Variants in MSRA observed in about 807,000 individuals in gnomAD.
MSRA encodes methionine sulfoxide reductase A, also known as mitochondrial peptide methionine sulfoxide reductase.
Under a neutral mutation model 31.3 loss-of-function variants are expected in MSRA, and 54 were observed. That is an observed-to-expected ratio of 1.73 (90% CI 1.39 to 2.17). MSRA has a LOEUF of 2.17. MSRA is among the 30% of genes most tolerant of loss of function. The pLI is 0.00. For missense variants in MSRA, 507 were observed against 300.9 expected (o/e 1.69, Z -5.07); for synonymous variants, 169 against 116.5 (o/e 1.45, Z -2.90).
chr8:10,346,934 AGT>A (rs1803817008), intron 5 of MSRA, among the ~76,000 whole-genome samples: 3 of 152,122 alleles, frequency 2.0e-5, no homozygotes, highest in African/African-American at 7.2e-5. Flanking sequence ...TAGTCAGACT[AGT>A]GTCCATTTGT....
chr8:10,267,105 C>T (rs780481031), intron 3 of MSRA, among the ~76,000 whole-genome samples: 5 of 152,216 alleles, frequency 3.3e-5, no homozygotes, highest in African/African-American at 7.2e-5. Flanking sequence ...TAGTCTCAGA[C>T]TCCAGTTTAA....
chr8:10,244,848 T>A (rs1402103873), intron 2 of MSRA, among the ~76,000 whole-genome samples: 1 of 152,198 alleles, frequency 6.6e-6, no homozygotes, highest in Non-Finnish European at 1.5e-5. Flanking sequence ...ATTTACTAAC[T>A]CCTTTAAATT....
At chr8:10,204,983 A>G (rs1808828028) in intron 1 of MSRA, among the ~76,000 whole-genome samples, 1 of 152,144 alleles carries the variant, frequency 6.6e-6, no homozygotes, top group Admixed American at 6.5e-5. Context: ...GCTGCAGAGG[A>G]AAGGCCCTTG....
At chr8:10,361,717 G>T (rs1804856723) in intron 5 of MSRA, among the ~76,000 whole-genome samples, 4 of 152,108 alleles carry the variant, frequency 2.6e-5, no homozygotes, top group Non-Finnish European at 1.5e-5. Context: ...TCTAATGAAA[G>T]ACTTTTATTT....
chr8:10,314,173 T>C (rs964190344), intron 4 of MSRA, among the ~76,000 whole-genome samples: 1 of 151,970 alleles, frequency 6.6e-6, no homozygotes, highest in Non-Finnish European at 1.5e-5. Context: ...CTGACAACTT[T>C]GGTTCATCAA....
intron 1 of MSRA, among the ~76,000 whole-genome samples, chr8:10,120,337 A>G (rs1801014673): frequency 6.6e-6 from 1 of 152,080 alleles, no homozygotes. Context: ...TGGGTGAGCA[A>G]GAGTGCTTTT....
chr8:10,093,067 A>C (rs542656529), intron 1 of MSRA, among the ~76,000 whole-genome samples: 1 of 152,030 alleles, frequency 6.6e-6, no homozygotes, highest in African/African-American at 2.4e-5. Flanking sequence ...GAACCTTTTT[A>C]TGTCTTTGAG....
intron 2 of MSRA, among the ~76,000 whole-genome samples, chr8:10,243,072 T>C (rs1435117408): frequency 6.6e-6 from 1 of 152,206 alleles, no homozygotes; most frequent in Non-Finnish European, 1.5e-5. Context: ...ATTTTAAGTT[T>C]TAAAAACCTG....
rs76154600 is a variant in MSRA, at chr8:10,064,090, G to A, written c.142+9432G>A. Among the ~76,000 whole-genome samples, 396 of 152,252 alleles carry A rather than the reference G, an allele frequency of 2.6e-3. 2 individuals are homozygous for A. The highest frequency in any genetic ancestry group is 9.1e-3 in the African/African-American group (377 of 41,558). ...ATCCCTTTCCTGTATTTGGTGCTTG[G>A]TGGTAGTCATTTCCCCCGCTGTGTT... On this transcript the variant is annotated intron_variant, in intron 1 of 5. Transcript: ENST00000317173.
At chr8:10,197,765 C>G (rs980508228) in intron 1 of MSRA, among the ~76,000 whole-genome samples, 1 of 152,130 alleles carries the variant, frequency 6.6e-6, no homozygotes, top group Non-Finnish European at 1.5e-5. Context: ...AGTGACTTGG[C>G]CCTGACCAGA....
intron 2 of MSRA, among the ~76,000 whole-genome samples, chr8:10,231,524 G>C (rs1289709334): frequency 6.6e-6 from 1 of 152,232 alleles, no homozygotes; most frequent in Non-Finnish European, 1.5e-5. Flanking sequence ...TCTCAGGTGG[G>C]TGGTTAGGGG....
At chr8:10,146,069 C>T (rs1227787623) in intron 1 of MSRA, among the ~76,000 whole-genome samples, 1 of 152,172 alleles carries the variant, frequency 6.6e-6, no homozygotes, top group Non-Finnish European at 1.5e-5. Flanking sequence ...GCTGTAGTCA[C>T]TGCAGATTCA....
intron 3 of MSRA, among the ~76,000 whole-genome samples, chr8:10,288,195 G>A (rs1018411622): frequency 3.3e-5 from 5 of 152,010 alleles, no homozygotes; most frequent in South Asian, 2.1e-4. Context: ...AATTATAGTC[G>A]CCCTAAGCGG....
rs114863133 is a variant in MSRA, at chr8:10,428,288, C to T, written c.684C>T (p.Ser228=). The change falls in exon 6 of 6, where the codon TCC becomes TCT. Residue 228 remains serine, a synonymous_variant. Transcript: ENST00000317173. ...GYCGLGGTGV[S]CPVGIKK ...GCGGCCTTGGGGGCACCGGCGTGTC[C>T]TGCCCAGTGGGTATTAAAAAATAAT... 4.8e-4 allele frequency: 768 copies of T among 1,613,846 alleles called. 3 individuals carry two copies. In the African/African-American group the frequency reaches 9.4e-3, roughly 20 times the overall value.
At chr8:10,281,646 A>C (rs1414069871) in intron 3 of MSRA, among the ~76,000 whole-genome samples, 1 of 152,066 alleles carries the variant, frequency 6.6e-6, no homozygotes, top group East Asian at 1.9e-4. Flanking sequence ...GATTTCCGGC[A>C]TGTGCTACAG....
chr8:10,290,534 G>T lies in MSRA; in HGVS notation c.332-11000G>T, dbSNP rs191004682. On this transcript the variant is annotated intron_variant, in intron 3 of 5. Transcript: ENST00000317173. ...TGGTTCCTTTCCCAGCTTTGCATCAGAAGCACCCATGGGGCTTTGTGAGAA... is the reference window on the plus strand; with the variant it reads ...TGGTTCCTTTCCCAGCTTTGCATCATAAGCACCCATGGGGCTTTGTGAGAA... Among the ~76,000 whole-genome samples, 705 of 152,284 alleles carry T rather than the reference G, an allele frequency of 4.6e-3. 4 individuals carry two copies. The highest frequency in any genetic ancestry group is 6.3e-3 in the Non-Finnish European group (432 of 68,034).
In MSRA at chr8:10,204,651, C is replaced by T. The variant is rs538559740; in HGVS notation, c.143-3182C>T. Reference sequence around the variant, plus strand: ...AAGTGCACTCTGTGTTGCCCAATGACAAAATGACCTGACAACACATAGATT... The same window carrying T: ...AAGTGCACTCTGTGTTGCCCAATGATAAAATGACCTGACAACACATAGATT... On this transcript the variant is annotated intron_variant, in intron 1 of 5. Transcript: ENST00000317173. Among the ~76,000 whole-genome samples, 9 of 152,322 alleles carry T rather than the reference C, an allele frequency of 5.9e-5. No individual in the cohort carries two copies. In the South Asian group the frequency reaches 1.9e-3, roughly 32 times the overall value.
intron 2 of MSRA, among the ~76,000 whole-genome samples, chr8:10,240,830 A>G (rs1257331551): frequency 1.4e-5 from 2 of 140,314 alleles, no homozygotes; most frequent in Non-Finnish European, 3.1e-5. Context: ...TCAACACCCC[A>G]CCCCCCGCAC....
At chr8:10,300,920 A>T (rs1022529434) in intron 3 of MSRA, among the ~76,000 whole-genome samples, 1 of 152,156 alleles carries the variant, frequency 6.6e-6, no homozygotes, top group Non-Finnish European at 1.5e-5. Context: ...GCAAGTAGAC[A>T]TATGTCACCA....
Sources: gnomAD v4.1 joint callset for allele counts (sites outside exome capture counted in the v4.1 genomes callset) on GRCh38, gnomAD v4.1.1 for gene constraint, MANE v1.5 for transcripts, NCBI Gene and HGNC (gene_info 2026-07-23, HGNC 2026-07-21) for gene names.